The following BAZ2B variants were observed in gnomAD, a reference collection of about 807,000 sequenced individuals.
BAZ2B encodes bromodomain adjacent to zinc finger domain protein 2B.
A neutral mutation model predicts 246.0 loss-of-function variants in BAZ2B; 91 were observed. The observed-to-expected ratio is 0.37, with a 90% CI of 0.31 to 0.44. BAZ2B has a LOEUF of 0.44. Ranked by LOEUF, BAZ2B falls within the 20% of genes least tolerant of loss-of-function variation. BAZ2B has a pLI of 1.00. For missense variants in BAZ2B, 2,332 were observed against 2,533.7 expected (o/e 0.92, Z 1.71); for synonymous variants, 855 against 860.0 (o/e 0.99, Z 0.10).
At chr2:159,351,794 T>C (rs1041595201) in intron 27 of BAZ2B, among the ~76,000 whole-genome samples, 3 of 152,224 alleles carry the variant, frequency 2.0e-5, no homozygotes, top group African/African-American at 7.2e-5. Flanking sequence ...TAAGAACTAT[T>C]TTAAAAACAT....
At chr2:159,450,432 G>A (rs1405752988) in intron 4 of BAZ2B, among the ~76,000 whole-genome samples, 1 of 150,544 alleles carries the variant, frequency 6.6e-6, no homozygotes, top group Non-Finnish European at 1.5e-5. Context: ...AAAACAATGG[G>A]AAAATGTGTG....
upstream of BAZ2B, among the ~76,000 whole-genome samples, chr2:159,617,235 T>A (rs1229610180): frequency 6.6e-6 from 1 of 152,118 alleles, no homozygotes; most frequent in Non-Finnish European, 1.5e-5. Flanking sequence ...TGGTAGCCCT[T>A]TGCTCCTTTA....
chr2:159,389,720 A>G (rs2063101193), intron 20 of BAZ2B, among the ~76,000 whole-genome samples: 1 of 152,200 alleles, frequency 6.6e-6, no homozygotes, highest in African/African-American at 2.4e-5. Flanking sequence ...AATACTTATT[A>G]ATACAAGCAG....
intron 20 of BAZ2B, among the ~76,000 whole-genome samples, chr2:159,394,023 T>C (rs1052115217): frequency 2.6e-4 from 40 of 152,132 alleles, no homozygotes; most frequent in African/African-American, 8.9e-4. Context: ...TCTCTTCTAA[T>C]GAAGCCTAGT....
intron 20 of BAZ2B, among the ~76,000 whole-genome samples, chr2:159,392,824 C>T (rs112157512): frequency 1.9e-4 from 29 of 152,236 alleles, no homozygotes; most frequent in Non-Finnish European, 3.5e-4. Context: ...GGTTATTAAA[C>T]GAATTCAATA....
intron 4 of BAZ2B, among the ~76,000 whole-genome samples, chr2:159,451,134 T>C (rs952916499): frequency 1.3e-5 from 2 of 152,156 alleles, no homozygotes; most frequent in African/African-American, 4.8e-5. Context: ...TCATACTTGA[T>C]AGAGCCAAAA....
At chr2:159,466,062 A>G (rs1324879712) in intron 3 of BAZ2B, among the ~76,000 whole-genome samples, 2 of 152,248 alleles carry the variant, frequency 1.3e-5, no homozygotes, top group Admixed American at 6.5e-5. Context: ...CAAACCATCA[A>G]GAGCAGGCCT....
At chr2:159,425,075 T>A (rs2069535901) in intron 13 of BAZ2B, among the ~76,000 whole-genome samples, 1 of 152,230 alleles carries the variant, frequency 6.6e-6, no homozygotes, top group South Asian at 2.1e-4. Flanking sequence ...TGGCAACATT[T>A]AAGATCATTT....
chr2:159,551,868 C>T (rs1441673261), intron 2 of BAZ2B, among the ~76,000 whole-genome samples: 1 of 152,056 alleles, frequency 6.6e-6, no homozygotes. Context: ...GTAGTATGTG[C>T]CATCTTTTGT....
chr2:159,557,808 A>C (rs1396683631), intron 1 of BAZ2B, among the ~76,000 whole-genome samples: 1 of 152,222 alleles, frequency 6.6e-6, no homozygotes, highest in Non-Finnish European at 1.5e-5. Context: ...CAAAGGATCC[A>C]AAAGAAAGTT....
upstream of BAZ2B, among the ~76,000 whole-genome samples, chr2:159,618,325 T>C (rs769933404): frequency 2.0e-5 from 3 of 152,232 alleles, no homozygotes; most frequent in Non-Finnish European, 4.4e-5. Flanking sequence ...ATGCTCTGCA[T>C]TCCTTTCAAG....
intron 19 of BAZ2B, chr2:159,397,107 G>A: frequency 6.9e-7 from 1 of 1,455,466 alleles, no homozygotes; most frequent in Admixed American, 2.1e-5. Flanking sequence ...ACTCCTGGTA[G>A]AAAGAGTTGG....
rs2070121736 is a variant in BAZ2B, at chr2:159,427,304, TTGG to T, written c.2466+634_2466+636del. Among the ~76,000 whole-genome samples, 3 of 152,216 alleles carry T rather than the reference TTGG, an allele frequency of 2.0e-5. No individual in the cohort carries two copies. In the South Asian group the frequency reaches 6.2e-4, roughly 32 times the overall value. On this transcript the variant is annotated intron_variant, in intron 13 of 36. Coordinates refer to ENST00000392783, the MANE Select transcript of BAZ2B (RefSeq NM_013450.4). ...AAAACATACAGGAAATGAGATCTCC[TTGG>T]TGGGTTCTTTTTGCTGACTGGTGAG...
intron 3 of BAZ2B, among the ~76,000 whole-genome samples, chr2:159,471,509 G>A (rs1231525715): frequency 6.6e-6 from 1 of 152,108 alleles, no homozygotes; most frequent in African/African-American, 2.4e-5. Context: ...GGGATTGCCT[G>A]AGCCTCAAAG....
At chr2:159,410,693 T>C (rs182712965) in intron 14 of BAZ2B, among the ~76,000 whole-genome samples, 2 of 152,330 alleles carry the variant, frequency 1.3e-5, no homozygotes, top group African/African-American at 4.8e-5. Flanking sequence ...AAAATTTATA[T>C]GATAACTGCT....
intron 2 of BAZ2B, among the ~76,000 whole-genome samples, chr2:159,530,538 C>T (rs2085268630): frequency 2.0e-5 from 3 of 152,068 alleles, no homozygotes; most frequent in Admixed American, 6.5e-5. Context: ...AATAAGTTAA[C>T]ACAAGATATA....
chr2:159,693,088 C>A, the BAZ2B span: 1 of 152,108 alleles, frequency 6.6e-6, no homozygotes, highest in East Asian at 1.9e-4. Flanking sequence ...AGCCACCATG[C>A]CCAGCTTATT....
At chr2:159,358,503 C>T (rs925257424) in intron 27 of BAZ2B, among the ~76,000 whole-genome samples, 1 of 152,204 alleles carries the variant, frequency 6.6e-6, no homozygotes, top group Non-Finnish European at 1.5e-5. Flanking sequence ...GACTCCCACA[C>T]AATAATAGTT....
intron 32 of BAZ2B, 94 bp downstream of exon 32, chr2:159,337,473 A>G: frequency 6.2e-7 from 1 of 1,607,998 alleles, no homozygotes; most frequent in Non-Finnish European, 8.5e-7. Context: ...CGTCACCATC[A>G]CCACTAACGG....
Sources: gnomAD v4.1 joint callset for allele counts (sites outside exome capture counted in the v4.1 genomes callset) on GRCh38, gnomAD v4.1.1 for gene constraint, MANE v1.5 for transcripts, NCBI Gene and HGNC (gene_info 2026-07-23, HGNC 2026-07-21) for gene names.